The following DIP2C variants were observed in gnomAD, a reference collection of about 807,000 sequenced individuals.
DIP2C encodes the protein disco-interacting protein 2 homolog C.
DIP2C carries 33 observed loss-of-function variants against 192.4 expected under a neutral mutation model. The ratio of observed to expected loss-of-function variants is 0.17; its 90% CI spans 0.13 to 0.23. DIP2C has a LOEUF of 0.23. Among genes scored for constraint, DIP2C ranks in the 10% least tolerant of loss-of-function variants. The pLI, the probability that DIP2C is intolerant of heterozygous loss-of-function variation, is 1.00. For synonymous variants in DIP2C, 979 were observed against 864.1 expected, an observed-to-expected ratio of 1.13 and a Z score of -2.33; for missense variants, 1,537 against 2,110.1, an observed-to-expected ratio of 0.73 and a Z score of 5.32.
In DIP2C at chr10:369,543, C is replaced by A; in HGVS notation, c.2082G>T (p.Glu694Asp). Reference sequence around the variant, plus strand: ...CCTGCACGGTGAGCACGGACAGCTTCTCTTCCGAGTCCACACGAATGACCC... The same window carrying A: ...CCTGCACGGTGAGCACGGACAGCTTATCTTCCGAGTCCACACGAATGACCC... ...TYGVIRVDSE[E>D]KLSVLTVQDV... is the part of the protein sequence containing the mutation. The change falls in exon 18 of 37, where the codon GAG becomes GAT. Residue 694 changes from glutamate (E) to aspartate (D), a missense_variant. This residue lies in a region of DIP2C where 677 missense variants were observed against 989.9 expected (regional missense o/e 0.68). Coordinates refer to ENST00000280886, the MANE Select transcript of DIP2C (RefSeq NM_014974.3). 1 of 1,587,622 alleles carries A rather than the reference C, an allele frequency of 6.3e-7. No individual in the cohort carries two copies.
In DIP2C at chr10:417,621, C is replaced by T. The variant is rs866496423; in HGVS notation, c.739+1444G>A. ...TAGGATAGGCATCCCTGTCTGCCTG[C>T]GCCTGTCAGGGCTCGGATAGGCCTC... On this transcript the variant is annotated intron_variant, in intron 6 of 36. Transcript: ENST00000280886. Among the ~76,000 whole-genome samples, 88 of 147,542 alleles carry T rather than the reference C, an allele frequency of 6.0e-4. 1 individual carries two copies. Among genetic ancestry groups the T allele is most frequent in the South Asian group, 2.3e-3 (11 of 4,726 alleles).
chr10:650,501 A>G, intron 1 of DIP2C: 2 of 697,956 alleles, frequency 2.9e-6, no homozygotes, highest in Non-Finnish European at 5.2e-6. Flanking sequence ...TGGGTTCCCT[A>G]TACTCTTCCC....
At chr10:453,804 G>C (rs1292995685) in intron 3 of DIP2C, among the ~76,000 whole-genome samples, 1 of 152,246 alleles carries the variant, frequency 6.6e-6, no homozygotes, top group Non-Finnish European at 1.5e-5. Context: ...GCTGCCTGCA[G>C]CCATCTCAGG....
At chr10:509,033 A>AC (rs1482855040) in intron 1 of DIP2C, among the ~76,000 whole-genome samples, 4 of 151,464 alleles carry the variant, frequency 2.6e-5, no homozygotes, top group Admixed American at 6.6e-5. Flanking sequence ...ACTGACTCCC[A>AC]CCTCCCATGT....
In DIP2C at chr10:366,167, C is replaced by A; in HGVS notation, c.2268+108G>T. ...ATCGTTTTCATTCATATAAACACGT[C>A]TTGCTAAAATGGATCTTACATTCCA... On this transcript the variant is annotated intron_variant, in intron 19 of 36. Coordinates refer to ENST00000280886, the MANE Select transcript of DIP2C (RefSeq NM_014974.3). 6 of 1,472,910 alleles carry A rather than the reference C, an allele frequency of 4.1e-6. No individual in the cohort carries two copies. The South Asian group carries it at 6.5e-5, about 16-fold the overall frequency. 91.2% of individuals were successfully genotyped at this position (1,472,910 alleles called of 1,614,324 possible).
chr10:575,656 G>T (rs554411144), intron 1 of DIP2C, among the ~76,000 whole-genome samples: 1 of 152,140 alleles, frequency 6.6e-6, no homozygotes, highest in South Asian at 2.1e-4. Flanking sequence ...AAGAGCAGAA[G>T]GGAGCAGAGT....
chr10:581,550 T>C (rs1320558270), intron 1 of DIP2C, among the ~76,000 whole-genome samples: 1 of 152,224 alleles, frequency 6.6e-6, no homozygotes, highest in African/African-American at 2.4e-5. Flanking sequence ...GGAAGATTTA[T>C]ACTAAATGAT....
intron 1 of DIP2C, among the ~76,000 whole-genome samples, chr10:495,424 A>G (rs553720274): frequency 7.2e-5 from 11 of 152,324 alleles, no homozygotes; most frequent in African/African-American, 2.6e-4. Context: ...CAAATTAACT[A>G]CAAGGTGAGG....
At chr10:566,594 C>T (rs975248089) in intron 1 of DIP2C, among the ~76,000 whole-genome samples, 1 of 152,254 alleles carries the variant, frequency 6.6e-6, no homozygotes, top group Non-Finnish European at 1.5e-5. Context: ...CTGCCCTCTC[C>T]AGAGGCGAGG....
At chr10:336,901 T>TGG (rs1957802135) in intron 29 of DIP2C, among the ~76,000 whole-genome samples, 1 of 97,522 alleles carries the variant, frequency 1.0e-5, no homozygotes, top group Non-Finnish European at 2.4e-5. Context: ...GGCAGGTGTG[T>TGG]GTGTGTGTGT....
intron 2 of DIP2C, among the ~76,000 whole-genome samples, chr10:477,961 G>T (rs1277148114): frequency 1.1e-5 from 1 of 92,474 alleles, no homozygotes; most frequent in African/African-American, 4.5e-5. Context: ...GGAAAGAAAA[G>T]AGAAGGAAGG....
At chr10:541,882 C>A (rs749487976) in intron 1 of DIP2C, among the ~76,000 whole-genome samples, 11 of 152,204 alleles carry the variant, frequency 7.2e-5, no homozygotes, top group Non-Finnish European at 1.5e-4. Context: ...CGGCCCCCCT[C>A]ACCTCACTTC....
chr10:375,211 T>G (rs1373029404), intron 17 of DIP2C, among the ~76,000 whole-genome samples: 1 of 152,144 alleles, frequency 6.6e-6, no homozygotes, highest in Non-Finnish European at 1.5e-5. Context: ...AACACGAGAG[T>G]TCTCACTTTA....
chr10:511,187 G>GC (rs1353839043), intron 1 of DIP2C, among the ~76,000 whole-genome samples: 2 of 152,224 alleles, frequency 1.3e-5, no homozygotes, highest in African/African-American at 4.8e-5. Context: ...TGCTTGGCCA[G>GC]CCAGCAGGGG....
chr10:521,948 G>A (rs1320572625), intron 1 of DIP2C, among the ~76,000 whole-genome samples: 7 of 151,632 alleles, frequency 4.6e-5, no homozygotes, highest in African/African-American at 1.5e-4. Flanking sequence ...ACCACCCAGA[G>A]TCCATAGCTC....
At chr10:441,071 C>T in intron 3 of DIP2C, 75 bp from the exon 4 acceptor site, 1 of 1,495,772 alleles carries the variant, frequency 6.7e-7, no homozygotes, top group South Asian at 1.3e-5. Context: ...CCTCTCTGTC[C>T]CTGCAGCACA....
At chr10:658,421 A>T (rs1361522839) in intron 1 of DIP2C, among the ~76,000 whole-genome samples, 1 of 152,236 alleles carries the variant, frequency 6.6e-6, no homozygotes, top group Non-Finnish European at 1.5e-5. Context: ...CTGCTACTGG[A>T]CTGCTAACAA....
chr10:390,540 C>T (rs554086180), intron 11 of DIP2C, among the ~76,000 whole-genome samples, 167 bp from the exon 12 acceptor site: 1 of 151,616 alleles, frequency 6.6e-6, no homozygotes, highest in Non-Finnish European at 1.5e-5. Context: ...CCCAAGCCGC[C>T]ACCATGCGTT....
In DIP2C at chr10:315,481, G is replaced by A. The variant is rs189512004; in HGVS notation, c.3925-5389C>T. Reference sequence around the variant, plus strand: ...CCATTCTGAAGGATCTCCTGCAGAAGAAACAGCTCTTTCAGCAGCCTGCAT... The same window carrying A: ...CCATTCTGAAGGATCTCCTGCAGAAAAAACAGCTCTTTCAGCAGCCTGCAT... On this transcript the variant is annotated intron_variant, in intron 31 of 36. Coordinates refer to ENST00000280886, the MANE Select transcript of DIP2C (RefSeq NM_014974.3). Among the ~76,000 whole-genome samples, 658 of 152,308 alleles carry A rather than the reference G, an allele frequency of 4.3e-3. 4 individuals carry two copies. Among genetic ancestry groups the A allele is most frequent in the Non-Finnish European group, 4.9e-3 (333 of 68,020 alleles).
Sources: gnomAD v4.1 joint callset for allele counts (sites outside exome capture counted in the v4.1 genomes callset) on GRCh38, gnomAD v4.1.1 for gene constraint, gnomAD v4.1.1 regional missense constraint, MANE v1.5 for transcripts, NCBI Gene and HGNC (gene_info 2026-07-23, HGNC 2026-07-21) for gene names.